The following ARHGAP12 variants were observed in gnomAD, a reference collection of about 807,000 sequenced individuals.
ARHGAP12 encodes the protein rho GTPase-activating protein 12.
A neutral mutation model predicts 108.6 loss-of-function variants in ARHGAP12; 64 were observed. The observed-to-expected ratio is 0.59, with a 90% CI of 0.48 to 0.73. The LOEUF (loss-of-function observed/expected upper bound fraction) is 0.73, where lower values mean the gene tolerates loss of function less well. Ranked by LOEUF, ARHGAP12 falls within the 30% of genes least tolerant of loss-of-function variation. The probability of loss-of-function intolerance (pLI) is 0.00; values close to 1 mark genes in which losing one functional copy is unlikely to be tolerated. For missense variants in ARHGAP12, 940 were observed against 1,005.9 expected (o/e 0.93, Z 0.89); for synonymous variants, 312 against 337.2 (o/e 0.93, Z 0.82).
rs74621402 is a variant in ARHGAP12 at position 31,916,116 on chromosome 10, G to A, written c.-110-5553C>T. Among the ~76,000 whole-genome samples, 1,378 of 152,180 alleles carry A rather than the reference G, an allele frequency of 9.1e-3. 9 individuals carry two copies. Among genetic ancestry groups the A allele is most frequent in the Non-Finnish European group, 0.014 (973 of 68,002 alleles). The stretch of plus-strand genomic sequence containing the variant: ...GTCCAAGCACAATACTCCTGGAACT[G>A]AAATGTATTCTATACTATACCCATC... On this transcript the variant is annotated intron_variant, in intron 1 of 19. Transcript: ENST00000344936.
chr10:31,875,153 T>C (rs1457892581), intron 3 of ARHGAP12, among the ~76,000 whole-genome samples: 2 of 152,070 alleles, frequency 1.3e-5, no homozygotes, highest in Non-Finnish European at 2.9e-5. Flanking sequence ...AGTTCATCTA[T>C]TTTTGAAATG....
chr10:31,916,439 C>A (rs912200538), intron 1 of ARHGAP12, among the ~76,000 whole-genome samples: 4 of 152,068 alleles, frequency 2.6e-5, no homozygotes, highest in African/African-American at 9.7e-5. Flanking sequence ...AAGCCTCCTC[C>A]TTTCTATCTG....
intron 9 of ARHGAP12, among the ~76,000 whole-genome samples, chr10:31,832,190 T>A (rs571765300): frequency 6.6e-6 from 1 of 152,190 alleles, no homozygotes; most frequent in East Asian, 1.9e-4. Context: ...TTTACAACTA[T>A]ATAATCTGAA....
intron 5 of ARHGAP12, among the ~76,000 whole-genome samples, chr10:31,853,479 G>A (rs931031793): frequency 3.3e-5 from 5 of 152,090 alleles, no homozygotes; most frequent in South Asian, 2.1e-4. Context: ...AACTGCTTCC[G>A]TATGTTCTAA....
intron 3 of ARHGAP12, among the ~76,000 whole-genome samples, chr10:31,885,155 A>G (rs895341693): frequency 6.6e-6 from 1 of 152,204 alleles, no homozygotes; most frequent in African/African-American, 2.4e-5. Flanking sequence ...TAGTATGAAT[A>G]ATCAGTTTGT....
intron 11 of ARHGAP12, among the ~76,000 whole-genome samples, chr10:31,825,832 T>C (rs7071284): frequency 0.05 from 7,676 of 152,226 alleles, 644 homozygotes; most frequent in African/African-American, 0.17. Flanking sequence ...CCACAAGTAA[T>C]GTGACATTTC....
intron 3 of ARHGAP12, among the ~76,000 whole-genome samples, chr10:31,870,122 C>A (rs1333098230): frequency 6.6e-6 from 1 of 152,010 alleles, no homozygotes; most frequent in Admixed American, 6.6e-5. Flanking sequence ...GGCTCTAAAG[C>A]TGAACTTATT....
chr10:31,911,344 C>T (rs1839339677), intron 1 of ARHGAP12, among the ~76,000 whole-genome samples: 1 of 152,176 alleles, frequency 6.6e-6, no homozygotes, highest in Non-Finnish European at 1.5e-5. Flanking sequence ...GAGACACAGT[C>T]TCACTCTGTC....
At chr10:31,891,032 A>C (rs1233737035) in intron 3 of ARHGAP12, among the ~76,000 whole-genome samples, 1 of 152,228 alleles carries the variant, frequency 6.6e-6, no homozygotes, top group Non-Finnish European at 1.5e-5. Context: ...CAATTTAGAA[A>C]AAAAGACTAA....
At chr10:31,835,335 T>A (rs1835977977) in intron 9 of ARHGAP12, among the ~76,000 whole-genome samples, 1 of 152,128 alleles carries the variant, frequency 6.6e-6, no homozygotes, top group Non-Finnish European at 1.5e-5. Context: ...ATAAAAAATA[T>A]CTTAAGTCCC....
chr10:31,839,346 T>C (rs372837102), intron 8 of ARHGAP12, 27 bp from the exon 9 acceptor site: 23 of 1,594,330 alleles, frequency 1.4e-5, no homozygotes, highest in Middle Eastern at 1.7e-4. Context: ...TAAAGTATAA[T>C]GTCATAGTAT....
intron 4 of ARHGAP12, among the ~76,000 whole-genome samples, chr10:31,855,463 T>C (rs1225192496): frequency 6.6e-6 from 1 of 152,176 alleles, no homozygotes; most frequent in Non-Finnish European, 1.5e-5. Flanking sequence ...CTAAGATAGG[T>C]AGATTCTCAA....
At chr10:31,911,904 C>G (rs1163749528) in intron 1 of ARHGAP12, among the ~76,000 whole-genome samples, 1 of 152,172 alleles carries the variant, frequency 6.6e-6, no homozygotes, top group Non-Finnish European at 1.5e-5. Flanking sequence ...TTCTTCTAGA[C>G]TAAAAAAGAC....
intron 3 of ARHGAP12, among the ~76,000 whole-genome samples, chr10:31,907,460 A>G (rs1399513203): frequency 2.7e-5 from 3 of 110,958 alleles, no homozygotes; most frequent in South Asian, 3.0e-4. Flanking sequence ...TCCTGTCTCT[A>G]AAAAAAAAAA....
intron 1 of ARHGAP12, among the ~76,000 whole-genome samples, chr10:31,914,030 AGTT>A (rs1839460756): frequency 6.6e-6 from 1 of 152,190 alleles, no homozygotes; most frequent in Admixed American, 6.5e-5. Flanking sequence ...CTTCATCTTC[AGTT>A]GTTGTCTCTA....
intron 16 of ARHGAP12, chr10:31,809,616 G>A (rs1020846364): frequency 4.6e-6 from 1 of 217,076 alleles, no homozygotes; most frequent in Admixed American, 5.4e-5. Flanking sequence ...AAAACATCTG[G>A]GGATAATTCA....
chr10:31,889,762 G>T (rs952794659), intron 3 of ARHGAP12, among the ~76,000 whole-genome samples: 4 of 151,124 alleles, frequency 2.6e-5, no homozygotes, highest in African/African-American at 7.3e-5. Context: ...GAGTAGCTGG[G>T]ACTACAGGCA....
Position 31,908,171 on chromosome 10 carries a change from C to T in ARHGAP12, c.684+1G>A. On this transcript the variant is annotated splice_donor_variant, in intron 3 of 19. Transcript: ENST00000344936. LOFTEE classifies it high-confidence loss of function. ...TTTCCTCATTCTATTTTTAATCTTACCCTTATCTGTTCAGTGGAGCTGCTG... is the reference window on the plus strand; with the variant it reads ...TTTCCTCATTCTATTTTTAATCTTATCCTTATCTGTTCAGTGGAGCTGCTG... The T allele has an allele frequency of 6.3e-7, 1 of 1,580,010 alleles. No individual in the cohort carries two copies. The highest frequency in any genetic ancestry group is 1.2e-5 in the South Asian group (1 of 84,728).
Position 31,908,217 on chromosome 10 carries a change from A to G in ARHGAP12, c.639T>C (p.Ser213=). ...TGCTGCTAAGTTCATCACCAGATTC[A>G]GAATCTTGATGTATTCTTTCAGAGC... ...GEGSERIHQD[S]ESGDELSSSS... The change falls in exon 3 of 20, where the codon TCT becomes TCC. Residue 213 remains serine, a synonymous_variant. Coordinates refer to ENST00000344936, the MANE Select transcript of ARHGAP12 (RefSeq NM_018287.7). 6.2e-7 allele frequency: 1 copy of G among 1,611,954 alleles called. No individual in the cohort carries two copies.
Sources: allele counts gnomAD v4.1 joint callset (sites outside exome capture counted in the v4.1 genomes callset), GRCh38; gene constraint gnomAD v4.1.1; transcripts MANE v1.5; gene names NCBI Gene and HGNC (gene_info 2026-07-23, HGNC 2026-07-21).